ASTN1: variants seen among roughly 807,000 people sequenced by gnomAD.
The protein encoded by ASTN1 is astrotactin-1.
ASTN1 carries 41 observed loss-of-function variants against 140.7 expected under a neutral mutation model. The ratio of observed to expected loss-of-function variants is 0.29; its 90% CI spans 0.23 to 0.38. ASTN1 has a LOEUF of 0.38. Among genes scored for constraint, ASTN1 ranks in the 10% least tolerant of loss-of-function variants. The pLI, the probability that ASTN1 is intolerant of heterozygous loss-of-function variation, is 1.00. For synonymous variants in ASTN1, 640 were observed against 652.2 expected, an observed-to-expected ratio of 0.98 and a Z score of 0.29; for missense variants, 1,479 against 1,678.8, an observed-to-expected ratio of 0.88 and a Z score of 2.08.
chr1:177,089,787 G>A (rs973643652), intron 1 of ASTN1, among the ~76,000 whole-genome samples: 7 of 152,032 alleles, frequency 4.6e-5, no homozygotes, highest in African/African-American at 7.2e-5. Flanking sequence ...CCATCAAAAT[G>A]GACTCTTAGC....
chr1:176,862,145 G>A lies in ASTN1; in HGVS notation c.*2139C>T, dbSNP rs1667987239. 1 of 985,428 alleles carries A rather than the reference G, an allele frequency of 1.0e-6. No individual in the cohort carries two copies. The highest frequency in any genetic ancestry group is 1.2e-6 in the Non-Finnish European group (1 of 829,946). 61.0% of individuals were successfully genotyped at this position (985,428 alleles called of 1,614,324 possible). On this transcript the variant is annotated 3_prime_UTR_variant, in exon 23 of 23. Transcript: ENST00000361833. ...CAATGGTGAAATATTTGCCCCTTGA[G>A]GCACTTTAACTGAGGCTCCAGCATT...
intron 16 of ASTN1, among the ~76,000 whole-genome samples, chr1:176,907,653 C>G (rs1265685050): frequency 6.6e-6 from 1 of 152,160 alleles, no homozygotes; most frequent in African/African-American, 2.4e-5. Context: ...ACCTTCTTGT[C>G]AAGAAGGGAC....
At chr1:177,149,001 A>C (rs1682847267) in intron 1 of ASTN1, among the ~76,000 whole-genome samples, 1 of 145,214 alleles carries the variant, frequency 6.9e-6, no homozygotes, top group Non-Finnish European at 1.5e-5. Context: ...GAGAAAAGTA[A>C]ATATCTAGAA....
rs56828059 is a variant in ASTN1, at chr1:176,897,274, C to CAAAAAAAA, written c.2672-2452_2672-2445dup. Among the ~76,000 whole-genome samples the CAAAAAAAA allele has an allele frequency of 2.3e-4, 10 of 44,130 alleles. 1 individual carries two copies. The highest frequency in any genetic ancestry group is 1.0e-3 in the African/African-American group (10 of 9,914). 29.0% of individuals were successfully genotyped at this position (44,130 alleles called of 152,430 possible). On this transcript the variant is annotated intron_variant, in intron 16 of 22. Coordinates refer to ENST00000361833, the MANE Select transcript of ASTN1 (RefSeq NM_004319.3). ...TGGGCTACAGAGCAAGACTCCGTCT[C>CAAAAAAAA]AAAAAAAAAAAAAAAAAAAAAAAGG... is the stretch of plus-strand genomic sequence containing the variant.
At chr1:177,041,661 CA>C (rs1475448751) in intron 2 of ASTN1, among the ~76,000 whole-genome samples, 2 of 152,244 alleles carry the variant, frequency 1.3e-5, no homozygotes, top group African/African-American at 2.4e-5. Context: ...AAAATAATAA[CA>C]ATAATCTACT....
chr1:177,017,060 A>T (rs915325016), intron 7 of ASTN1, among the ~76,000 whole-genome samples: 2 of 152,246 alleles, frequency 1.3e-5, no homozygotes, highest in African/African-American at 4.8e-5. Flanking sequence ...ACCACAAAAC[A>T]TATAAAAATA....
intron 1 of ASTN1, among the ~76,000 whole-genome samples, chr1:177,140,414 A>T (rs538289527): frequency 1.1e-4 from 17 of 152,320 alleles, no homozygotes; most frequent in African/African-American, 4.1e-4. Context: ...ATGGATGGAT[A>T]AGTGAATAAA....
intron 16 of ASTN1, among the ~76,000 whole-genome samples, chr1:176,919,955 A>T (rs1027978679): frequency 1.3e-5 from 2 of 152,224 alleles, no homozygotes; most frequent in African/African-American, 4.8e-5. Context: ...TACAAAGCAC[A>T]TATTTTAACT....
chr1:176,996,316 G>C lies in ASTN1; in HGVS notation c.1523+18475C>G, dbSNP rs1226901152. Reference sequence around the variant, plus strand: ...ACACACACACACACACACACAGAGAGAGAGAGAGAGACAGAGACAGAGAAA... The same window carrying C: ...ACACACACACACACACACACAGAGACAGAGAGAGAGACAGAGACAGAGAAA... On this transcript the variant is annotated intron_variant, in intron 8 of 22. Transcript: ENST00000361833. 2.0e-3 allele frequency among the ~76,000 whole-genome samples: 264 copies of C among 131,048 alleles called. 1 individual carries two copies. The highest frequency in any genetic ancestry group is 7.9e-3 in the Middle Eastern group (2 of 254). The allele number at this position is 131,048 out of a possible 152,430, so 86.0% of individuals were successfully genotyped here. A position where few individuals can be genotyped will look rare whatever the true frequency, so the allele number is the denominator to read the frequency against.
intron 7 of ASTN1, among the ~76,000 whole-genome samples, chr1:177,018,809 A>G (rs1244294560): frequency 2.6e-5 from 4 of 152,082 alleles, no homozygotes; most frequent in Non-Finnish European, 5.9e-5. Flanking sequence ...CAAACATACA[A>G]CCATAACAAA....
At chr1:176,923,304 A>T (rs1223869022) in intron 16 of ASTN1, among the ~76,000 whole-genome samples, 1 of 152,228 alleles carries the variant, frequency 6.6e-6, no homozygotes, top group Non-Finnish European at 1.5e-5. Context: ...AGTATAATCT[A>T]AGTTCATTAT....
At chr1:177,066,856 C>T (rs139440356) in intron 1 of ASTN1, among the ~76,000 whole-genome samples, 326 of 152,274 alleles carry the variant, frequency 2.1e-3, no homozygotes, top group African/African-American at 7.5e-3. Context: ...AGGCTGAGTG[C>T]AAGCTGAATC....
chr1:177,123,172 T>C (rs1251956225), intron 1 of ASTN1, among the ~76,000 whole-genome samples: 1 of 152,144 alleles, frequency 6.6e-6, no homozygotes, highest in Admixed American at 6.5e-5. Context: ...GGGGAACCAG[T>C]GCATGCTGAG....
At chr1:177,002,762 T>C (rs1674796119) in intron 8 of ASTN1, among the ~76,000 whole-genome samples, 1 of 152,186 alleles carries the variant, frequency 6.6e-6, no homozygotes, top group Admixed American at 6.5e-5. Flanking sequence ...AATATTATTT[T>C]TATTAGCATT....
At chr1:176,895,880 C>A (rs1669481285) in intron 16 of ASTN1, among the ~76,000 whole-genome samples, 1 of 152,166 alleles carries the variant, frequency 6.6e-6, no homozygotes, top group Non-Finnish European at 1.5e-5. Context: ...AGTTGTAGTC[C>A]TGAATGTGAA....
chr1:177,023,813 T>C (rs1226309256), intron 6 of ASTN1, among the ~76,000 whole-genome samples: 1 of 152,104 alleles, frequency 6.6e-6, no homozygotes, highest in Non-Finnish European at 1.5e-5. Context: ...GCTGCCTTGC[T>C]CCATTCCGTC....
In ASTN1 at chr1:176,936,369, C is replaced by A. The variant is rs1671447979; in HGVS notation, c.2379G>T (p.Gly793=). Reference sequence around the variant, plus strand: ...CAGACACTTCACTGAAGTTCACCATCCCTAAGGACAGAAGAGATGTAAGCT... The same window carrying A: ...CAGACACTTCACTGAAGTTCACCATACCTAAGGACAGAAGAGATGTAAGCT... ...EPTPDPDFLT[G]MVNFSEVSGY... The change falls in exon 15 of 23, where the codon GGG becomes GGT. Residue 793 remains glycine, a splice_region_variant and synonymous_variant. Coordinates refer to ENST00000361833, the MANE Select transcript of ASTN1 (RefSeq NM_004319.3). The A allele has an allele frequency of 6.2e-7, 1 of 1,610,898 alleles. No individual in the cohort carries two copies. The highest frequency in any genetic ancestry group is 2.2e-5 in the East Asian group (1 of 44,864).
chr1:177,148,781 T>C (rs548971779), intron 1 of ASTN1, among the ~76,000 whole-genome samples: 18 of 152,002 alleles, frequency 1.2e-4, no homozygotes, highest in African/African-American at 4.1e-4. Flanking sequence ...GAGATGATGA[T>C]AGAAGTTTCT....
At chr1:176,949,425 A>G in intron 11 of ASTN1, 74 bp from the exon 12 acceptor site, 1 of 1,466,564 alleles carries the variant, frequency 6.8e-7, no homozygotes, top group Non-Finnish European at 9.2e-7. Context: ...GAGTGTAACC[A>G]CTGACACCAA....
Sources: gnomAD v4.1 joint callset for allele counts (sites outside exome capture counted in the v4.1 genomes callset) on GRCh38, gnomAD v4.1.1 for gene constraint, MANE v1.5 for transcripts, NCBI Gene and HGNC (gene_info 2026-07-23, HGNC 2026-07-21) for gene names.